The following IPO8 variants were observed in gnomAD, a reference collection of about 807,000 sequenced individuals.
The protein encoded by IPO8 is importin-8.
In IPO8, 65 loss-of-function variants were observed where a neutral mutation model predicts 141.2. That is an observed-to-expected ratio of 0.46 (90% CI 0.38 to 0.57). The LOEUF (loss-of-function observed/expected upper bound fraction) is 0.57, where lower values mean the gene tolerates loss of function less well. IPO8 is among the 20% of genes least tolerant of loss of function. The pLI is 0.00. For missense variants in IPO8, 980 were observed against 1,246.8 expected (o/e 0.79, Z 3.22); for synonymous variants, 411 against 420.3 (o/e 0.98, Z 0.27).
Position 30,689,769 on chromosome 12 carries a change from T to C in IPO8, c.166+727A>G, listed in dbSNP as rs1176006944. On this transcript the variant is annotated intron_variant, in intron 2 of 24. Coordinates refer to ENST00000256079, the MANE Select transcript of IPO8 (RefSeq NM_006390.4). ...AGTGATGAATGTTGGGTAGTTTTAC[T>C]TCCTTCTTTGTATTCTTCTAAATTG... Among the ~76,000 whole-genome samples, 3 of 152,360 alleles carry C rather than the reference T, an allele frequency of 2.0e-5. No homozygotes were observed. The East Asian group carries it at 5.8e-4, about 29-fold the overall frequency.
At chr12:30,670,742 T>C (rs1474107261) in intron 9 of IPO8, among the ~76,000 whole-genome samples, 3 of 152,184 alleles carry the variant, frequency 2.0e-5, no homozygotes, top group Non-Finnish European at 4.4e-5. Flanking sequence ...ATCAAGTGAA[T>C]CCAGGTCTCC....
chr12:30,660,496 C>G (rs573394148), intron 16 of IPO8, among the ~76,000 whole-genome samples: 2 of 152,252 alleles, frequency 1.3e-5, no homozygotes, highest in African/African-American at 4.8e-5. Flanking sequence ...TTTCTTAAAT[C>G]CACCTGAACT....
chr12:30,686,818 A>T (rs1050584709), intron 2 of IPO8, among the ~76,000 whole-genome samples: 5 of 152,170 alleles, frequency 3.3e-5, no homozygotes, highest in African/African-American at 4.8e-5. Flanking sequence ...TACTATTAAT[A>T]TTAATTTTAT....
chr12:30,639,530 G>GT lies in IPO8; in HGVS notation c.2473dup (p.Thr825AsnfsTer9). On this transcript the variant is annotated frameshift_variant, in exon 21 of 25. Transcript: ENST00000256079. LOFTEE classifies it high-confidence loss of function. ...AGACACATACCCAAGAAAACAATCT[G>GT]TATCATTCATCCATTGATTTATAAA... is the stretch of plus-strand genomic sequence containing the variant. The GT allele has an allele frequency of 6.2e-7, 1 of 1,610,298 alleles. No homozygotes were observed. Among genetic ancestry groups the GT allele is most frequent in the Non-Finnish European group, 8.5e-7 (1 of 1,176,554 alleles).
rs193140204 is a variant in IPO8 at position 30,678,838 on chromosome 12, A to G, written c.639+1644T>C. Among the ~76,000 whole-genome samples the G allele has an allele frequency of 5.9e-5, 9 of 152,248 alleles. No individual in the cohort carries two copies. The East Asian group carries it at 1.7e-3, about 29-fold the overall frequency. On this transcript the variant is annotated intron_variant, in intron 5 of 24. Coordinates refer to ENST00000256079, the MANE Select transcript of IPO8 (RefSeq NM_006390.4). ...ATGCTACTTAGACAAGATCTGTTGT[A>G]TCATACTTTTATTTTATTTGAGGCG...
intron 8 of IPO8, 38 bp downstream of exon 8, chr12:30,673,952 G>A: frequency 8.0e-7 from 1 of 1,249,558 alleles, no homozygotes; most frequent in South Asian, 1.5e-5. Context: ...ACTTTCAGTA[G>A]TAACCATTAT....
In IPO8 at chr12:30,695,714, A is replaced by T. The variant is rs2136180947; in HGVS notation, c.-67T>A. On this transcript the variant is annotated 5_prime_UTR_variant, in exon 1 of 25. Coordinates refer to ENST00000256079, the MANE Select transcript of IPO8 (RefSeq NM_006390.4). The surrounding 1 kb of genome is among the most constrained non-coding windows in gnomAD (Gnocchi z 4.2). ...GGACTGCAGCTTTAGTTTTCTTTTG[A>T]CCCTCTCAGCCTCCTCTTCCGCGAC... The T allele has an allele frequency of 6.9e-7, 1 of 1,443,034 alleles. No homozygotes were observed. The highest frequency in any genetic ancestry group is 9.6e-7 in the Non-Finnish European group (1 of 1,042,910). The allele number at this position is 1,443,034 out of a possible 1,614,324, so 89.4% of individuals were successfully genotyped here.
At chr12:30,638,798 C>A (rs938351160) in intron 21 of IPO8, among the ~76,000 whole-genome samples, 1 of 152,138 alleles carries the variant, frequency 6.6e-6, no homozygotes, top group African/African-American at 2.4e-5. Flanking sequence ...TCCCGAGTAG[C>A]TGGGACTACA....
At chr12:30,634,054 T>G in intron 23 of IPO8, 29 bp downstream of exon 23, 1 of 1,560,472 alleles carries the variant, frequency 6.4e-7, no homozygotes, top group Non-Finnish European at 8.8e-7. Context: ...AAAAAAAATA[T>G]CAGAAGATGT....
chr12:30,671,064 C>G lies in IPO8; in HGVS notation c.942G>C (p.Gln314His). Reference protein sequence around the residue: ...VLLKILDQYRQKEYVAPRVLQ... With the variant: ...VLLKILDQYRHKEYVAPRVLQ... ...GAACACGGGGAGCTACATATTCTTT[C>G]TGTCTATATTGATCTAAAATTTTTA... The change falls in exon 9 of 25, where the codon CAG becomes CAC. Residue 314 changes from glutamine (Q) to histidine (H), a missense_variant. Transcript: ENST00000256079. 1 of 1,605,440 alleles carries G rather than the reference C, an allele frequency of 6.2e-7. No homozygotes were observed. Among genetic ancestry groups the G allele is most frequent in the Non-Finnish European group, 8.5e-7 (1 of 1,172,250 alleles).
chr12:30,649,458 G>C (rs975683229), intron 19 of IPO8, among the ~76,000 whole-genome samples: 7 of 152,078 alleles, frequency 4.6e-5, no homozygotes, highest in Non-Finnish European at 8.8e-5. Context: ...GATTAATAAA[G>C]TAGACTATAT....
intron 5 of IPO8, 28 bp from the exon 6 acceptor site, chr12:30,676,615 G>T: frequency 2.0e-6 from 3 of 1,495,982 alleles, no homozygotes; most frequent in Non-Finnish European, 2.8e-6. Context: ...AACATGAACA[G>T]TAATTCCTCC....
In IPO8 at chr12:30,686,670, A is replaced by G. The variant is rs971677152; in HGVS notation, c.167-2213T>C. The G allele has an allele frequency of 6.6e-5, 10 of 152,310 alleles. No homozygotes were observed. In the East Asian group the frequency reaches 1.9e-3, roughly 29 times the overall value. 9.4% of individuals were successfully genotyped at this position (152,310 alleles called of 1,614,324 possible). ...TTTCACAGGATCAATCTTTGCAAAAAGAAAAATCAACTATATTAGTCACAA... is the reference window on the plus strand; with the variant it reads ...TTTCACAGGATCAATCTTTGCAAAAGGAAAAATCAACTATATTAGTCACAA... On this transcript the variant is annotated intron_variant, in intron 2 of 24. Transcript: ENST00000256079.
rs963594571 is a variant in IPO8 at position 30,675,624 on chromosome 12, G to A, written c.730-871C>T. On this transcript the variant is annotated intron_variant, in intron 6 of 24. Transcript: ENST00000256079. ...GGGTGGATCACGAGGTCAGGAGATC[G>A]AGACCATCCTGGCCAACACCGTGAA... Among the ~76,000 whole-genome samples the A allele has an allele frequency of 1.1e-4, 16 of 150,772 alleles. No individual in the cohort carries two copies. The East Asian group carries it at 2.0e-3, about 18-fold the overall frequency.
intron 18 of IPO8, among the ~76,000 whole-genome samples, chr12:30,652,510 A>AT (rs1256037179): frequency 3.3e-5 from 5 of 151,894 alleles, no homozygotes; most frequent in African/African-American, 4.8e-5. Context: ...ATTGTGCTGA[A>AT]TTTTTTCCCT....
chr12:30,686,742 A>C (rs975788497), intron 2 of IPO8: 1 of 152,156 alleles, frequency 6.6e-6, no homozygotes, highest in Non-Finnish European at 1.5e-5. Flanking sequence ...AAAGAAAAGC[A>C]ACCTTTAGAC....
At chr12:30,635,483 C>T (rs1363596930) in intron 22 of IPO8, among the ~76,000 whole-genome samples, 1 of 152,022 alleles carries the variant, frequency 6.6e-6, no homozygotes, top group Non-Finnish European at 1.5e-5. Flanking sequence ...AGAAAAATAG[C>T]TACATGTCGC....
At chr12:30,687,275 AT>A (rs2053251146) in intron 2 of IPO8, among the ~76,000 whole-genome samples, 1 of 152,240 alleles carries the variant, frequency 6.6e-6, no homozygotes, top group South Asian at 2.1e-4. Context: ...ATAATGTAGA[AT>A]TTTATAAATG....
At position 30,663,648 on chromosome 12, in the gene IPO8, A is replaced by G. The variant is rs1273256290; in HGVS notation, c.1435T>C (p.Trp479Arg). The G allele has an allele frequency of 6.2e-7, 1 of 1,605,038 alleles. No individual in the cohort carries two copies. The highest frequency in any genetic ancestry group is 2.2e-5 in the East Asian group (1 of 44,802). The change falls in exon 14 of 25, where the codon TGG becomes CGG. Residue 479 changes from tryptophan to arginine, a missense_variant. By Grantham distance (101) the Trp-to-Arg change is moderately radical. Coordinates refer to ENST00000256079, the MANE Select transcript of IPO8 (RefSeq NM_006390.4). Reference protein sequence around the residue: ...NLGYLRARSCWVLHAFSSLKF... With the variant: ...NLGYLRARSCRVLHAFSSLKF... ...AAAGAACTAAATGCATGAAGTACCC[A>G]GCAAGACTGTATTATTAAAAAAGGT... is the stretch of plus-strand genomic sequence containing the variant.
Sources: gnomAD v4.1 joint callset for allele counts (sites outside exome capture counted in the v4.1 genomes callset) on GRCh38, gnomAD v4.1.1 for gene constraint, Gnocchi (gnomAD v3.1) non-coding constraint, MANE v1.5 for transcripts, NCBI Gene and HGNC (gene_info 2026-07-23, HGNC 2026-07-21) for gene names.